Variants in KCNB2 observed in about 807,000 individuals in gnomAD.
KCNB2 encodes potassium voltage-gated channel subfamily B member 2.
A neutral mutation model predicts 61.5 loss-of-function variants in KCNB2; 15 were observed. That is an observed-to-expected ratio of 0.24 (90% CI 0.16 to 0.38). The LOEUF (loss-of-function observed/expected upper bound fraction) is 0.38, where lower values mean the gene tolerates loss of function less well. Among genes scored for constraint, KCNB2 ranks in the 10% least tolerant of loss-of-function variants. KCNB2 has a pLI of 1.00. For synonymous variants in KCNB2, 457 were observed against 446.0 expected (o/e 1.02, Z -0.31); for missense variants, 828 against 1,125.2 (o/e 0.74, Z 3.78).
At chr8:72,853,769 A>G (rs779001383) in intron 2 of KCNB2, among the ~76,000 whole-genome samples, 15 of 152,356 alleles carry the variant, frequency 9.8e-5, no homozygotes, top group East Asian at 5.8e-4. Context: ...ACTCCCTCAA[A>G]GTGTGCTATA....
At chr8:72,893,926 T>C (rs1805943489) in intron 2 of KCNB2, among the ~76,000 whole-genome samples, 1 of 152,200 alleles carries the variant, frequency 6.6e-6, no homozygotes. Context: ...TTGTCCATTC[T>C]TTCATGCCAT....
At position 72,798,414 on chromosome 8, in the gene KCNB2, T is replaced by A. The variant is rs1809067439; in HGVS notation, c.580-137521T>A. On this transcript the variant is annotated intron_variant, in intron 2 of 2. Transcript: ENST00000523207. Reference sequence around the variant, plus strand: ...GGCTCTGTGTATATTTCTTATATCATCCTACCATAGCACTCAGCATAATGC... The same window carrying A: ...GGCTCTGTGTATATTTCTTATATCAACCTACCATAGCACTCAGCATAATGC... 1.3e-5 allele frequency among the ~76,000 whole-genome samples: 2 copies of A among 152,156 alleles called. 1 individual carries two copies. The highest frequency in any genetic ancestry group is 1.3e-4 in the Admixed American group (2 of 15,262).
At chr8:72,731,865 A>G (rs1206282539) in intron 2 of KCNB2, among the ~76,000 whole-genome samples, 1 of 152,208 alleles carries the variant, frequency 6.6e-6, no homozygotes, top group African/African-American at 2.4e-5. Flanking sequence ...ATCTTTGCCA[A>G]TTTCAGTCTT....
At chr8:72,754,643 A>AT (rs1205104327) in intron 2 of KCNB2, among the ~76,000 whole-genome samples, 1 of 152,246 alleles carries the variant, frequency 6.6e-6, no homozygotes, top group East Asian at 1.9e-4. Flanking sequence ...AGTAAAATTT[A>AT]TAACTGTTAT....
At chr8:72,538,332 G>C (rs1275124378) in intron 1 of KCNB2, among the ~76,000 whole-genome samples, 1 of 150,848 alleles carries the variant, frequency 6.6e-6, no homozygotes, top group Non-Finnish European at 1.5e-5. Context: ...CGATTCCTGA[G>C]AGGGAGAACG....
chr8:72,620,148 T>G (rs1191228545), intron 2 of KCNB2, among the ~76,000 whole-genome samples: 2 of 152,254 alleles, frequency 1.3e-5, no homozygotes, highest in African/African-American at 2.4e-5. Context: ...TCCAAAAAAG[T>G]TAGTCTATTT....
At chr8:72,778,279 T>C (rs966041929) in intron 2 of KCNB2, among the ~76,000 whole-genome samples, 8 of 152,078 alleles carry the variant, frequency 5.3e-5, no homozygotes, top group African/African-American at 1.2e-4. Flanking sequence ...CCCTGGAAAA[T>C]GAGGATTTAT....
intron 2 of KCNB2, among the ~76,000 whole-genome samples, chr8:72,585,665 A>G (rs759001486): frequency 2.0e-5 from 3 of 152,150 alleles, no homozygotes; most frequent in Non-Finnish European, 2.9e-5. Flanking sequence ...GTGATGCCCA[A>G]CGGATGTTTT....
At chr8:72,721,239 C>A (rs1367604300) in intron 2 of KCNB2, among the ~76,000 whole-genome samples, 1 of 152,216 alleles carries the variant, frequency 6.6e-6, no homozygotes, top group African/African-American at 2.4e-5. Context: ...ACACACGTTT[C>A]TTTATTGGAT....
chr8:72,638,931 A>G (rs969151304), intron 2 of KCNB2, among the ~76,000 whole-genome samples: 3 of 152,164 alleles, frequency 2.0e-5, no homozygotes, highest in Non-Finnish European at 4.4e-5. Context: ...AGCATTTCAG[A>G]CAGTATTAAA....
At chr8:72,629,958 C>T (rs531991958) in intron 2 of KCNB2, among the ~76,000 whole-genome samples, 2 of 152,238 alleles carry the variant, frequency 1.3e-5, no homozygotes, top group African/African-American at 4.8e-5. Context: ...AAATCATGGC[C>T]AATATTAAGA....
intron 2 of KCNB2, among the ~76,000 whole-genome samples, chr8:72,911,850 C>T (rs1806301810): frequency 6.6e-6 from 1 of 152,204 alleles, no homozygotes; most frequent in Admixed American, 6.5e-5. Flanking sequence ...ATGAGAACAA[C>T]AGTATCACCT....
At chr8:72,650,080 T>C (rs147666410) in intron 2 of KCNB2, among the ~76,000 whole-genome samples, 103 of 152,246 alleles carry the variant, frequency 6.8e-4, no homozygotes, top group African/African-American at 2.4e-3. Context: ...GGAAAGACAA[T>C]TATACAGAGA....
intron 2 of KCNB2, chr8:72,732,008 A>G (rs1807753111): frequency 1.3e-5 from 2 of 152,186 alleles, no homozygotes; most frequent in Admixed American, 1.3e-4. Flanking sequence ...AGGTTTCTAC[A>G]CAGTTAGATG....
At chr8:72,737,357 C>G (rs530072704) in intron 2 of KCNB2, among the ~76,000 whole-genome samples, 3 of 152,118 alleles carry the variant, frequency 2.0e-5, no homozygotes, top group Non-Finnish European at 4.4e-5. Flanking sequence ...AAATTGATAG[C>G]CTGTTCTGAT....
chr8:72,605,829 G>A (rs1381845691), intron 2 of KCNB2, among the ~76,000 whole-genome samples: 1 of 151,968 alleles, frequency 6.6e-6, no homozygotes, highest in Admixed American at 6.6e-5. Context: ...TATCTTTATA[G>A]GAATATAAAA....
intron 1 of KCNB2, among the ~76,000 whole-genome samples, chr8:72,552,073 A>T (rs1806353360): frequency 1.3e-5 from 2 of 152,096 alleles, no homozygotes; most frequent in Non-Finnish European, 2.9e-5. Context: ...TGAACTCTAT[A>T]TTCTTCTTGA....
intron 2 of KCNB2, among the ~76,000 whole-genome samples, chr8:72,755,391 T>A (rs1361818425): frequency 6.6e-6 from 1 of 152,234 alleles, no homozygotes; most frequent in Non-Finnish European, 1.5e-5. Flanking sequence ...CCATATTTTT[T>A]ATGCAAGATG....
intron 2 of KCNB2, among the ~76,000 whole-genome samples, chr8:72,580,113 A>C (rs1806868117): frequency 6.6e-6 from 1 of 152,322 alleles, no homozygotes; most frequent in South Asian, 2.1e-4. Flanking sequence ...ATGGGCCATA[A>C]GGTTTCTGTT....
Sources: allele counts gnomAD v4.1 joint callset (sites outside exome capture counted in the v4.1 genomes callset), GRCh38; gene constraint gnomAD v4.1.1; transcripts MANE v1.5; gene names NCBI Gene and HGNC (gene_info 2026-07-23, HGNC 2026-07-21).